AR: variants seen among roughly 807,000 people sequenced by gnomAD.
AR encodes the protein dihydrotestosterone receptor.
Under a neutral mutation model 53.9 loss-of-function variants are expected in AR, and 8 were observed. That is an observed-to-expected ratio of 0.15 (90% CI 0.09 to 0.27). The LOEUF is 0.27. AR is among the 10% of genes least tolerant of loss of function. The probability of loss-of-function intolerance (pLI) is 1.00; values close to 1 mark genes in which losing one functional copy is unlikely to be tolerated. For missense variants in AR, 639 were observed against 742.5 expected (o/e 0.86, Z 1.62); for synonymous variants, 359 against 316.4 (o/e 1.13, Z -1.43).
chrX:67,717,450 AC>A (rs758234644), intron 4 of AR, 27 bp from the exon 5 acceptor site: 15 of 1,208,567 alleles, frequency 1.2e-5, no homozygotes, highest in Admixed American at 2.2e-5. Context: ...ACCCAGACTG[AC>A]CACTGCCTCT....
chrX:67,719,907 A>G (rs1811088851), intron 5 of AR, among the ~76,000 whole-genome samples: 1 of 111,641 alleles, frequency 9.0e-6, no homozygotes, highest in Admixed American at 9.5e-5. Flanking sequence ...CCATTTGCTG[A>G]TCTCTTCAAC....
At chrX:67,715,609 G>T in intron 4 of AR, among the ~76,000 whole-genome samples, 1 of 111,872 alleles carries the variant, frequency 8.9e-6, no homozygotes, top group South Asian at 3.8e-4. Context: ...TAGTGGAGTA[G>T]AAAAAACACT....
intron 1 of AR, among the ~76,000 whole-genome samples, chrX:67,642,258 A>T (rs1020918145): frequency 8.9e-6 from 1 of 112,250 alleles, no homozygotes; most frequent in African/African-American, 3.2e-5. Flanking sequence ...TTTAATGCTT[A>T]GGCATAAGAC....
chrX:67,683,395 A>T (rs1397579719), intron 2 of AR, among the ~76,000 whole-genome samples: 1 of 110,820 alleles, frequency 9.0e-6, no homozygotes, highest in Non-Finnish European at 1.9e-5. Flanking sequence ...AGTCCTTTAC[A>T]TTAAAAAAAA....
intron 1 of AR, among the ~76,000 whole-genome samples, chrX:67,567,908 G>T (rs1458782603): frequency 8.9e-6 from 1 of 111,824 alleles, no homozygotes; most frequent in Non-Finnish European, 1.9e-5. Flanking sequence ...CTAAAAGCCT[G>T]TGCATGTGTG....
At chrX:67,617,560 T>C (rs1166609434) in intron 1 of AR, among the ~76,000 whole-genome samples, 1 of 111,995 alleles carries the variant, frequency 8.9e-6, no homozygotes, top group Non-Finnish European at 1.9e-5. Context: ...TCATAGAAGA[T>C]ATATCTTCCC....
chrX:67,546,986 A>G (rs1229028599), intron 1 of AR, among the ~76,000 whole-genome samples: 1 of 110,087 alleles, frequency 9.1e-6, no homozygotes, highest in Non-Finnish European at 1.9e-5. Context: ...CTGCCCTCCC[A>G]GATTCTTCAA....
chrX:67,594,308 G>T (rs1013120959), intron 1 of AR, among the ~76,000 whole-genome samples: 1 of 112,017 alleles, frequency 8.9e-6, no homozygotes, highest in Non-Finnish European at 1.9e-5. Context: ...TTAGAGCTTT[G>T]TCAAGCTTTG....
At chrX:67,600,289 A>G (rs964630486) in intron 1 of AR, among the ~76,000 whole-genome samples, 2 of 111,256 alleles carry the variant, frequency 1.8e-5, no homozygotes, top group African/African-American at 6.5e-5. Flanking sequence ...GGTACTAAAA[A>G]CAGAGCTCCA....
chrX:67,656,971 G>C (rs1926621584), intron 2 of AR, among the ~76,000 whole-genome samples: 2 of 110,199 alleles, frequency 1.8e-5, no homozygotes, highest in African/African-American at 6.6e-5. Context: ...TGTCATAAGA[G>C]ATAAGTGGAA....
intron 2 of AR, among the ~76,000 whole-genome samples, chrX:67,682,784 T>A (rs1353634476): frequency 8.9e-6 from 1 of 111,895 alleles, no homozygotes; most frequent in South Asian, 3.7e-4. Context: ...GAGAAGTGAC[T>A]TGGAAGCAGT....
chrX:67,628,744 G>C (rs1302710424), intron 1 of AR, among the ~76,000 whole-genome samples: 3 of 111,773 alleles, frequency 2.7e-5, no homozygotes, highest in African/African-American at 9.8e-5. Context: ...TCCAGTTTTT[G>C]ACCATTCAGT....
chrX:67,551,788 A>C, intron 1 of AR, among the ~76,000 whole-genome samples: 1 of 111,721 alleles, frequency 9.0e-6, no homozygotes, highest in African/African-American at 3.3e-5. Context: ...GTTGCTCTTA[A>C]GGACTTCTCT....
chrX:67,686,423 A>T (rs898469103), intron 3 of AR, among the ~76,000 whole-genome samples: 3 of 111,688 alleles, frequency 2.7e-5, no homozygotes, highest in Non-Finnish European at 5.6e-5. Flanking sequence ...CAGGGCCCCC[A>T]GGGGACTTAA....
At chrX:67,568,449 G>C (rs1159713759) in intron 1 of AR, among the ~76,000 whole-genome samples, 1 of 111,418 alleles carries the variant, frequency 9.0e-6, no homozygotes, top group African/African-American at 3.3e-5. Flanking sequence ...GAAATCGAGG[G>C]CTTCTGCTCC....
intron 1 of AR, among the ~76,000 whole-genome samples, chrX:67,620,354 G>A (rs182393095): frequency 6.7e-4 from 73 of 109,304 alleles, no homozygotes; most frequent in African/African-American, 2.4e-3. Flanking sequence ...TCTGACAGAG[G>A]AGGTAGCATG....
intron 1 of AR, among the ~76,000 whole-genome samples, chrX:67,627,672 T>C (rs1432143466): frequency 8.9e-6 from 1 of 112,176 alleles, no homozygotes; most frequent in African/African-American, 3.2e-5. Context: ...TTTGGTGTTT[T>C]AGACATGCTT....
rs142439226 is a variant in AR at position 67,650,344 on chromosome X, A to G, written c.1768+6937A>G. 5.1e-3 allele frequency among the ~76,000 whole-genome samples: 568 copies of G among 112,104 alleles called. 5 individuals carry two copies. Among genetic ancestry groups the G allele is most frequent in the African/African-American group, 0.018 (547 of 30,915 alleles). On this transcript the variant is annotated intron_variant, in intron 2 of 7. Transcript: ENST00000374690. ...CTACAGTAACCCTTATCAATTTTTTATGTGCCTCTCCATATTCTGCAGTCA... is the reference window on the plus strand; with the variant it reads ...CTACAGTAACCCTTATCAATTTTTTGTGTGCCTCTCCATATTCTGCAGTCA...
chrX:67,629,727 G>A (rs1291712405), intron 1 of AR, among the ~76,000 whole-genome samples: 9 of 109,120 alleles, frequency 8.2e-5, no homozygotes, highest in Non-Finnish European at 1.7e-4. Context: ...TAATTGTGAT[G>A]TTAGGGTGTC....
Sources: gnomAD v4.1 joint callset for allele counts (sites outside exome capture counted in the v4.1 genomes callset) on GRCh38, gnomAD v4.1.1 for gene constraint, MANE v1.5 for transcripts, NCBI Gene and HGNC (gene_info 2026-07-23, HGNC 2026-07-21) for gene names.